The following RUFY1 variants were observed in gnomAD, a reference collection of about 807,000 sequenced individuals.
RUFY1 encodes RUN and FYVE domain-containing protein 1.
In RUFY1, 54 loss-of-function variants were observed where a neutral mutation model predicts 94.6. The ratio of observed to expected loss-of-function variants is 0.57; its 90% CI spans 0.46 to 0.72. The LOEUF (loss-of-function observed/expected upper bound fraction) is 0.72. RUFY1 is among the 30% of genes least tolerant of loss of function. The pLI is 0.00. For missense variants in RUFY1, 883 were observed against 883.9 expected (o/e 1.00, Z 0.01); for synonymous variants, 396 against 347.3 (o/e 1.14, Z -1.56).
chr5:179,609,348 C>T, intron 17 of RUFY1, 28 bp from the exon 18 acceptor site: 1 of 1,608,706 alleles, frequency 6.2e-7, no homozygotes, highest in Non-Finnish European at 8.5e-7. Flanking sequence ...CCCGGGTGTC[C>T]TGTGACCGCC....
intron 6 of RUFY1, among the ~76,000 whole-genome samples, chr5:179,578,721 G>A (rs964894421): frequency 1.1e-4 from 16 of 152,008 alleles, no homozygotes; most frequent in East Asian, 1.9e-4. Flanking sequence ...TTGGCTCACC[G>A]AAACCTCCAC....
chr5:179,565,231 T>G (rs1430837519), intron 3 of RUFY1, among the ~76,000 whole-genome samples: 1 of 133,412 alleles, frequency 7.5e-6, no homozygotes, highest in Non-Finnish European at 1.5e-5. Context: ...CAGGCTGGAG[T>G]GCAGTGGCAC....
chr5:179,564,136 T>G (rs1462010323), intron 3 of RUFY1, among the ~76,000 whole-genome samples: 3 of 144,266 alleles, frequency 2.1e-5, no homozygotes, highest in Admixed American at 1.4e-4. Flanking sequence ...TTTTTTTTTT[T>G]GAGATAGAGT....
chr5:179,595,582 G>A (rs563572441), intron 12 of RUFY1, among the ~76,000 whole-genome samples: 3 of 146,338 alleles, frequency 2.1e-5, no homozygotes, highest in Admixed American at 1.4e-4. Context: ...CCAGAGTTTC[G>A]CTCTCATTGC....
At chr5:179,608,570 T>C (rs1405977572) in intron 17 of RUFY1, 2 of 985,464 alleles carry the variant, frequency 2.0e-6, no homozygotes, top group Non-Finnish European at 1.2e-6. Context: ...ACTCTTCCTG[T>C]AACATGGACT....
intron 2 of RUFY1, among the ~76,000 whole-genome samples, chr5:179,561,524 A>ACAGTATT (rs1489628860): frequency 6.6e-6 from 1 of 151,816 alleles, no homozygotes; most frequent in Non-Finnish European, 1.5e-5. Flanking sequence ...TGGGGAGGTG[A>ACAGTATT]CAGTATTAGG....
chr5:179,607,817 G>A (rs527903787), intron 17 of RUFY1, among the ~76,000 whole-genome samples, 158 bp downstream of exon 17: 2 of 152,328 alleles, frequency 1.3e-5, no homozygotes, highest in South Asian at 4.1e-4. Context: ...GTTTGCCTGT[G>A]CAGATGGCTT....
intron 4 of RUFY1, among the ~76,000 whole-genome samples, chr5:179,568,257 T>A (rs1195617868): frequency 6.6e-6 from 1 of 152,036 alleles, no homozygotes; most frequent in African/African-American, 2.4e-5. Flanking sequence ...AAATAAAAAA[T>A]AAAAAAATAA....
chr5:179,606,856 T>A (rs66965803), intron 16 of RUFY1: 12,098 of 152,474 alleles, frequency 0.079, 512 homozygotes, highest in Middle Eastern at 0.12. Context: ...CAAGAAAATC[T>A]TGTCCAGCAG....
intron 15 of RUFY1, among the ~76,000 whole-genome samples, chr5:179,603,139 C>T (rs1332108024): frequency 2.0e-5 from 3 of 152,034 alleles, no homozygotes; most frequent in African/African-American, 7.2e-5. Context: ...ATGGTGGGCA[C>T]CTGTAATCCC....
At chr5:179,580,233 G>GTATA (rs1480937236) in intron 6 of RUFY1, among the ~76,000 whole-genome samples, 3 of 57,496 alleles carry the variant, frequency 5.2e-5, no homozygotes, top group Non-Finnish European at 1.1e-4. Context: ...GTGTGTGTGT[G>GTATA]TGTGTGTGTA....
intron 1 of RUFY1, among the ~76,000 whole-genome samples, chr5:179,552,520 T>C (rs1265103619): frequency 1.3e-5 from 2 of 152,154 alleles, no homozygotes; most frequent in South Asian, 2.1e-4. Flanking sequence ...CATTAGAGGA[T>C]GATGAGAGCC....
intron 4 of RUFY1, among the ~76,000 whole-genome samples, chr5:179,568,806 A>T (rs1291784754): frequency 6.6e-6 from 1 of 152,220 alleles, no homozygotes; most frequent in Non-Finnish European, 1.5e-5. Flanking sequence ...CCAGAGCAAT[A>T]TCAGGCAGGG....
chr5:179,583,243 T>G (rs1764302302), intron 7 of RUFY1, among the ~76,000 whole-genome samples: 1 of 151,450 alleles, frequency 6.6e-6, no homozygotes, highest in Non-Finnish European at 1.5e-5. Flanking sequence ...GAGGTTGTGG[T>G]GAGCTGAGAT....
intron 3 of RUFY1, 45 bp downstream of exon 3, chr5:179,562,709 C>A: frequency 2.0e-6 from 2 of 1,024,254 alleles, no homozygotes; most frequent in East Asian, 2.4e-5. Context: ...TTAAAAACTC[C>A]CTCATATTTA....
At chr5:179,554,088 T>C (rs1377101595) in intron 1 of RUFY1, among the ~76,000 whole-genome samples, 1 of 152,210 alleles carries the variant, frequency 6.6e-6, no homozygotes, top group Non-Finnish European at 1.5e-5. Context: ...CTTTCCCCAC[T>C]GATCTGCCTA....
intron 3 of RUFY1, among the ~76,000 whole-genome samples, chr5:179,563,266 C>G (rs903816471): frequency 6.6e-6 from 1 of 152,194 alleles, no homozygotes; most frequent in Non-Finnish European, 1.5e-5. Context: ...TCCTAGGGAG[C>G]CTGCCTATTC....
At chr5:179,557,060 C>T (rs1042297665) in intron 1 of RUFY1, among the ~76,000 whole-genome samples, 2 of 152,054 alleles carry the variant, frequency 1.3e-5, no homozygotes, top group Non-Finnish European at 2.9e-5. Flanking sequence ...TGAAAATTAC[C>T]TGACCTGCAA....
chr5:179,605,593 C>T (rs925681974), intron 15 of RUFY1, among the ~76,000 whole-genome samples: 1 of 152,120 alleles, frequency 6.6e-6, no homozygotes, highest in Non-Finnish European at 1.5e-5. Flanking sequence ...CATCCTCTCG[C>T]CTCAGCCTCC....
Sources: allele counts gnomAD v4.1 joint callset (sites outside exome capture counted in the v4.1 genomes callset), GRCh38; gene constraint gnomAD v4.1.1; transcripts MANE v1.5; gene names NCBI Gene and HGNC (gene_info 2026-07-23, HGNC 2026-07-21).